SLC13A1: variants seen among roughly 807,000 people sequenced by gnomAD.
SLC13A1 encodes Na(+)/sulfate cotransporter.
Under a neutral mutation model 70.0 loss-of-function variants are expected in SLC13A1, and 65 were observed. The observed-to-expected ratio is 0.93, with a 90% CI of 0.76 to 1.14. The LOEUF (loss-of-function observed/expected upper bound fraction) is 1.14, where lower values mean the gene tolerates loss of function less well. SLC13A1 is among the 50% of genes most tolerant of loss of function. SLC13A1 has a pLI of 0.00. For missense variants in SLC13A1, 726 were observed against 717.8 expected, an observed-to-expected ratio of 1.01 and a Z score of -0.13; for synonymous variants, 275 against 250.5, an observed-to-expected ratio of 1.10 and a Z score of -0.92.
chr7:123,179,377 A>G (rs1771335621), intron 2 of SLC13A1, among the ~76,000 whole-genome samples: 1 of 152,170 alleles, frequency 6.6e-6, no homozygotes, highest in South Asian at 2.1e-4. Flanking sequence ...GAATGATTTC[A>G]TCCGTTAGAG....
chr7:123,141,807 C>A (rs183358249), intron 7 of SLC13A1, among the ~76,000 whole-genome samples: 1 of 152,194 alleles, frequency 6.6e-6, no homozygotes, highest in East Asian at 1.9e-4. Flanking sequence ...TATTTTCAGT[C>A]AACTTATGTC....
chr7:123,119,322 TA>T, intron 12 of SLC13A1, 80 bp from the exon 13 acceptor site: 1 of 1,001,868 alleles, frequency 1.0e-6, no homozygotes, highest in Non-Finnish European at 1.4e-6. Flanking sequence ...AAAAAAACAT[TA>T]TTTCCTTTGA....
chr7:123,156,817 T>C (rs190948055), intron 6 of SLC13A1, among the ~76,000 whole-genome samples: 1 of 152,230 alleles, frequency 6.6e-6, no homozygotes, highest in Non-Finnish European at 1.5e-5. Context: ...CAAGGCCTCA[T>C]TCTTTACCAG....
chr7:123,197,728 A>G (rs559885677), intron 1 of SLC13A1, among the ~76,000 whole-genome samples: 2 of 152,280 alleles, frequency 1.3e-5, no homozygotes, highest in South Asian at 4.1e-4. Context: ...ACTTGGTGCC[A>G]GACACCTGGT....
chr7:123,158,153 C>A (rs1398754835), intron 6 of SLC13A1, among the ~76,000 whole-genome samples: 3 of 151,724 alleles, frequency 2.0e-5, no homozygotes, highest in Non-Finnish European at 4.4e-5. Context: ...TGAGAACCAG[C>A]AATAAATAAA....
At chr7:123,164,850 T>A (rs1795019515) in intron 6 of SLC13A1, among the ~76,000 whole-genome samples, 1 of 151,544 alleles carries the variant, frequency 6.6e-6, no homozygotes, top group Non-Finnish European at 1.5e-5. Context: ...AGGAAATTTA[T>A]CTTCTCTGAA....
rs987024281 is a variant in SLC13A1, at chr7:123,162,784, A to C, written c.660+5590T>G. 2.0e-5 allele frequency among the ~76,000 whole-genome samples: 3 copies of C among 152,086 alleles called. No individual in the cohort carries two copies. In the South Asian group the frequency reaches 6.2e-4, roughly 31 times the overall value. ...CCTTTGAATTTTTGGAGAACATTAA[A>C]AAGTGTTGTCTTGTACAATTGGATT... On this transcript the variant is annotated intron_variant, in intron 6 of 14. Coordinates refer to ENST00000194130, the MANE Select transcript of SLC13A1 (RefSeq NM_022444.4).
At chr7:123,134,373 C>G (rs747232272) in intron 8 of SLC13A1, 37 bp downstream of exon 8, 4 of 1,598,652 alleles carry the variant, frequency 2.5e-6, no homozygotes, top group Non-Finnish European at 3.4e-6. Context: ...AACCTAGACA[C>G]CTTTATTTAG....
At chr7:123,187,789 T>C (rs1299043585) in intron 1 of SLC13A1, among the ~76,000 whole-genome samples, 2 of 152,256 alleles carry the variant, frequency 1.3e-5, no homozygotes, top group Non-Finnish European at 2.9e-5. Flanking sequence ...GTATTTCTTT[T>C]TATGAATATT....
At chr7:123,177,876 C>T (rs1795501181) in intron 2 of SLC13A1, among the ~76,000 whole-genome samples, 1 of 152,010 alleles carries the variant, frequency 6.6e-6, no homozygotes, top group Non-Finnish European at 1.5e-5. Flanking sequence ...TGTTCATTGC[C>T]TCCTTTCCTC....
intron 12 of SLC13A1, among the ~76,000 whole-genome samples, chr7:123,122,209 T>C (rs895074234): frequency 6.6e-6 from 1 of 152,056 alleles, no homozygotes; most frequent in Non-Finnish European, 1.5e-5. Context: ...TATCTTCCAA[T>C]AAGTTATCAA....
At chr7:123,155,842 A>G (rs1794692938) in intron 6 of SLC13A1, among the ~76,000 whole-genome samples, 1 of 152,064 alleles carries the variant, frequency 6.6e-6, no homozygotes, top group African/African-American at 2.4e-5. Context: ...CAGTGTAGGT[A>G]GAAGGCCGGG....
At chr7:123,129,575 C>A in intron 8 of SLC13A1, 94 bp from the exon 9 acceptor site, 1 of 827,884 alleles carries the variant, frequency 1.2e-6, no homozygotes, top group African/African-American at 1.7e-5. Flanking sequence ...CATCTTCACG[C>A]AATATGAATC....
chr7:123,176,824 C>T (rs1795461888), intron 2 of SLC13A1, among the ~76,000 whole-genome samples: 1 of 152,116 alleles, frequency 6.6e-6, no homozygotes, highest in South Asian at 2.1e-4. Context: ...TTCTTAGTCT[C>T]TTTGGCTAGT....
chr7:123,123,256 A>C, intron 11 of SLC13A1, 21 bp from the exon 12 acceptor site: 1 of 1,414,276 alleles, frequency 7.1e-7, no homozygotes. Flanking sequence ...AAAATCCTAC[A>C]GTTACACATT....
At chr7:123,196,490 A>G (rs1428610512) in intron 1 of SLC13A1, among the ~76,000 whole-genome samples, 2 of 152,090 alleles carry the variant, frequency 1.3e-5, no homozygotes, top group African/African-American at 2.4e-5. Flanking sequence ...CTGTGTAGCC[A>G]GATTTTTGCA....
chr7:123,131,785 T>G (rs1793770675), intron 8 of SLC13A1, among the ~76,000 whole-genome samples: 1 of 152,236 alleles, frequency 6.6e-6, no homozygotes, highest in African/African-American at 2.4e-5. Context: ...CCAAGGGAAC[T>G]GTTTAAACAT....
At chr7:123,181,159 TCAAACA>T in intron 1 of SLC13A1, 58 bp from the exon 2 acceptor site, 1 of 1,568,054 alleles carries the variant, frequency 6.4e-7, no homozygotes, top group Non-Finnish European at 8.7e-7. Context: ...AAGTCAACAT[TCAAACA>T]CAAACATGTT....
At chr7:123,124,365 T>A (rs1793488605) in intron 11 of SLC13A1, among the ~76,000 whole-genome samples, 1 of 152,178 alleles carries the variant, frequency 6.6e-6, no homozygotes, top group South Asian at 2.1e-4. Context: ...CATCACCTCC[T>A]TAACACACAT....
Sources: allele counts gnomAD v4.1 joint callset (sites outside exome capture counted in the v4.1 genomes callset), GRCh38; gene constraint gnomAD v4.1.1; transcripts MANE v1.5; gene names NCBI Gene and HGNC (gene_info 2026-07-23, HGNC 2026-07-21).